The following EPHB4 variants were observed in gnomAD, a reference collection of about 807,000 sequenced individuals.
EPHB4 encodes the protein ephrin type-B receptor 4.
Under a neutral mutation model 110.6 loss-of-function variants are expected in EPHB4, and 50 were observed. The observed-to-expected ratio is 0.45, with a 90% CI of 0.36 to 0.57. The LOEUF is 0.57. EPHB4 is among the 20% of genes least tolerant of loss of function. The pLI, the probability that EPHB4 is intolerant of heterozygous loss-of-function variation, is 0.00. For synonymous variants in EPHB4, 592 were observed against 578.4 expected, an observed-to-expected ratio of 1.02 and a Z score of -0.34; for missense variants, 1,128 against 1,382.1, an observed-to-expected ratio of 0.82 and a Z score of 2.91.
chr7:100,826,980 T>A lies in EPHB4; in HGVS notation c.51A>T (p.Glu17Asp), dbSNP rs1195131190. The change falls in exon 1 of 17, where the codon GAA (glutamate) becomes GAT (aspartate). Residue 17 changes from glutamate (E) to aspartate (D), a missense_variant and splice_region_variant. Coordinates refer to ENST00000358173, the MANE Select transcript of EPHB4 (RefSeq NM_004444.5). ...GCCCCCCCCCGCAAGGAAACTCACC[T>A]TCCAAAGCTGCGGCCAACGAAGCCC... Reference protein sequence around the residue: ...LCWASLAAALEETLLNTKLET... With the variant: ...LCWASLAAALDETLLNTKLET... 3.2e-6 allele frequency: 5 copies of A among 1,540,506 alleles called. No homozygotes were observed. The African/African-American group carries it at 6.9e-5, about 21-fold the overall frequency.
intron 7 of EPHB4, among the ~76,000 whole-genome samples, chr7:100,817,975 T>G (rs1206297137): frequency 6.8e-6 from 1 of 146,316 alleles, no homozygotes; most frequent in Non-Finnish European, 1.5e-5. Flanking sequence ...CACGCCATTC[T>G]CCTGCCTCAG....
At chr7:100,804,499 G>C (rs1371523726) in intron 16 of EPHB4, among the ~76,000 whole-genome samples, 1 of 151,592 alleles carries the variant, frequency 6.6e-6, no homozygotes, top group African/African-American at 2.4e-5. Context: ...ATTTTTAGTA[G>C]ACATAAGGTT....
At chr7:100,808,538 G>A (rs895402221) in intron 12 of EPHB4, among the ~76,000 whole-genome samples, 1 of 152,138 alleles carries the variant, frequency 6.6e-6, no homozygotes, top group Non-Finnish European at 1.5e-5. Flanking sequence ...TCTACAGGTG[G>A]AGATACATTG....
chr7:100,807,638 C>A, intron 12 of EPHB4, 58 bp from the exon 13 acceptor site: 1 of 1,539,248 alleles, frequency 6.5e-7, no homozygotes, highest in Non-Finnish European at 8.8e-7. Context: ...GTTCCCCCTC[C>A]CATCCACATC....
rs146768192 is a variant in EPHB4 at position 100,805,501 on chromosome 7, C to A, written c.2678G>T (p.Gly893Val). ...SLKIVARENG[G>V]ASHPLLDQRQ... is the part of the protein sequence containing the mutation. ...AGGGCCCATTCTCTGCAGTCCTCAC[C>A]CGCCATTCTCCCGGGCCACGATTTT... is the stretch of plus-strand genomic sequence containing the variant. The change falls in exon 15 of 17, where the codon GGG becomes GTG. Residue 893 changes from glycine to valine, a missense_variant and splice_region_variant. Physicochemically the swap from Gly to Val is moderately radical, Grantham distance 109. Around this residue, in one of 3 missense-constraint regions of EPHB4, gnomAD observed 209 missense variants for 240.5 expected, o/e 0.87. Coordinates refer to ENST00000358173, the MANE Select transcript of EPHB4 (RefSeq NM_004444.5). The A allele has an allele frequency of 3.3e-6, 5 of 1,522,430 alleles. No individual in the cohort carries two copies. The highest frequency in any genetic ancestry group is 4.4e-6 in the Non-Finnish European group (5 of 1,134,838). The allele number at this position is 1,522,430 out of a possible 1,614,324, so 94.3% of individuals were successfully genotyped here.
chr7:100,804,844 C>T (rs1372035453), intron 16 of EPHB4, among the ~76,000 whole-genome samples: 2 of 152,162 alleles, frequency 1.3e-5, no homozygotes, highest in Non-Finnish European at 2.9e-5. Flanking sequence ...CCCGAGTTGA[C>T]ACATTGTTAC....
At chr7:100,818,699 C>T (rs531078918) in intron 6 of EPHB4, 55 bp from the exon 7 acceptor site, 4 of 1,547,046 alleles carry the variant, frequency 2.6e-6, no homozygotes, top group African/African-American at 2.7e-5. Flanking sequence ...TGTCCCTTAA[C>T]TTAAAAAAAA....
intron 2 of EPHB4, 92 bp downstream of exon 2, chr7:100,824,111 G>C: frequency 1.3e-6 from 2 of 1,574,612 alleles, no homozygotes; most frequent in Non-Finnish European, 1.7e-6. Context: ...GGGGACAGGG[G>C]AGAGGAGTGG....
At chr7:100,811,207 G>A (rs1362395644) in intron 12 of EPHB4, among the ~76,000 whole-genome samples, 1 of 150,666 alleles carries the variant, frequency 6.6e-6, no homozygotes, top group Non-Finnish European at 1.5e-5. Flanking sequence ...AGCCAAGAAC[G>A]CACCACTGCA....
chr7:100,805,187 A>C lies in EPHB4; in HGVS notation c.2813T>G (p.Leu938Arg), dbSNP rs1406094457. The C allele has an allele frequency of 6.2e-7, 1 of 1,613,020 alleles. No individual in the cohort carries two copies. The highest frequency in any genetic ancestry group is 8.5e-7 in the Non-Finnish European group (1 of 1,179,614). Residue 938 changes from leucine (L) to arginine (R), a missense_variant, in exon 16 of 17, where the codon CTG (leucine) becomes CGG (arginine). Transcript: ENST00000358173. ...TTACTCAGCAGAGATCTGGCTGACC[A>C]GCTCGAAGGAGCCAAAGCCAGCGGC... is the stretch of plus-strand genomic sequence containing the variant. ...FAAAGFGSFE[L>R]VSQISAEDLL... is the part of the protein sequence containing the mutation.
At position 100,822,425 on chromosome 7, in the gene EPHB4, G is replaced by A. The variant is rs372433130; in HGVS notation, c.654C>T (p.Pro218=). ...PETVPRELVV[P]VAGSCVVDAV... ...CATCCACCACGCAGCTACCGGCCACGGGCACAACCAGCTCCCGAGGCACAG... is the reference window on the plus strand; with the variant it reads ...CATCCACCACGCAGCTACCGGCCACAGGCACAACCAGCTCCCGAGGCACAG... Residue 218 remains proline (P), a synonymous_variant, in exon 4 of 17, where the codon CCC becomes CCT. Coordinates refer to ENST00000358173, the MANE Select transcript of EPHB4 (RefSeq NM_004444.5). The surrounding 1 kb of genome is among the most constrained non-coding windows in gnomAD (Gnocchi z 4.7). 32 of 1,597,470 alleles carry A rather than the reference G, an allele frequency of 2.0e-5. No individual in the cohort carries two copies. The highest frequency in any genetic ancestry group is 6.7e-5 in the East Asian group (3 of 44,454).
intron 8 of EPHB4, among the ~76,000 whole-genome samples, chr7:100,815,799 C>A (rs779755186): frequency 6.6e-6 from 1 of 151,976 alleles, no homozygotes; most frequent in South Asian, 2.1e-4. Context: ...CCAGCCTGGG[C>A]AACATAGGGA....
chr7:100,817,090 A>G (rs1356495124), intron 8 of EPHB4, 102 bp downstream of exon 8: 44 of 1,043,842 alleles, frequency 4.2e-5, no homozygotes, highest in Non-Finnish European at 5.5e-5. Flanking sequence ...CTCAAAAAAA[A>G]AAAAAAAAAA....
chr7:100,826,959 C>CA lies in EPHB4; in HGVS notation c.52+19_52+20insT, dbSNP rs767593993. 7 of 1,536,542 alleles carry CA rather than the reference C, an allele frequency of 4.6e-6. No individual in the cohort carries two copies. In the Admixed American group the frequency reaches 7.8e-5, roughly 17 times the overall value. ...GTCCCAGGAGTGACGGGGTGCGCCCCCCCCCGCAAGGAAACTCACCTTCCA... is the reference window on the plus strand; with the variant it reads ...GTCCCAGGAGTGACGGGGTGCGCCCCACCCCCGCAAGGAAACTCACCTTCCA... On this transcript the variant is annotated intron_variant, in intron 1 of 16. Coordinates refer to ENST00000358173, the MANE Select transcript of EPHB4 (RefSeq NM_004444.5).
intron 1 of EPHB4, chr7:100,824,543 A>C: frequency 4.3e-6 from 2 of 468,678 alleles, no homozygotes; most frequent in Non-Finnish European, 7.8e-6. Context: ...GGGAGATCAA[A>C]ATGTACGGGG....
intron 5 of EPHB4, 101 bp from the exon 6 acceptor site, chr7:100,819,990 G>A: frequency 6.8e-7 from 1 of 1,472,536 alleles, no homozygotes; most frequent in South Asian, 1.3e-5. Context: ...TTGCCTTGGA[G>A]ACAGTGGGCT....
intron 12 of EPHB4, among the ~76,000 whole-genome samples, chr7:100,812,512 C>T (rs1212707883): frequency 6.6e-6 from 1 of 152,114 alleles, no homozygotes; most frequent in Non-Finnish European, 1.5e-5. Context: ...TCGCTTGAAC[C>T]CTGGAGGTGG....
chr7:100,819,651 G>C lies in EPHB4; in HGVS notation c.1203C>G (p.Thr401=). ...VVVRGLRPDF[T]YTFEVTALNG... ...TCAATGCAGTGACCTCAAAGGTATA[G>C]GTGAAGTCAGGACGTAGCCCTCGAA... is the stretch of plus-strand genomic sequence containing the variant. Residue 401 remains threonine (T), a synonymous_variant, in exon 6 of 17, where the codon ACC becomes ACG. Coordinates refer to ENST00000358173, the MANE Select transcript of EPHB4 (RefSeq NM_004444.5). The C allele has an allele frequency of 1.2e-6, 2 of 1,613,698 alleles. No homozygotes were observed. The highest frequency in any genetic ancestry group is 1.7e-6 in the Non-Finnish European group (2 of 1,179,782).
intron 1 of EPHB4, chr7:100,825,172 A>T (rs1291443437): frequency 4.0e-5 from 6 of 151,866 alleles, no homozygotes; most frequent in Non-Finnish European, 8.8e-5. Flanking sequence ...ACCCCATGGG[A>T]GCTGCAGGAG....
Sources: allele counts gnomAD v4.1 joint callset (sites outside exome capture counted in the v4.1 genomes callset), GRCh38; gene constraint gnomAD v4.1.1; regional missense constraint gnomAD v4.1.1; non-coding constraint Gnocchi (gnomAD v3.1); transcripts MANE v1.5; gene names NCBI Gene and HGNC (gene_info 2026-07-23, HGNC 2026-07-21).